The following SLC47A1 variants were observed in gnomAD, a reference collection of about 807,000 sequenced individuals.
SLC47A1 encodes the protein solute carrier family 47 member 1.
Under a neutral mutation model 65.8 loss-of-function variants are expected in SLC47A1, and 58 were observed. The ratio of observed to expected loss-of-function variants is 0.88; its 90% CI spans 0.71 to 1.10. The LOEUF is 1.10. SLC47A1 is among the 50% of genes least tolerant of loss of function. The probability of loss-of-function intolerance (pLI) is 0.00; values close to 1 mark genes in which losing one functional copy is unlikely to be tolerated. For missense variants in SLC47A1, 706 were observed against 719.2 expected, an observed-to-expected ratio of 0.98 and a Z score of 0.21; for synonymous variants, 285 against 295.0, an observed-to-expected ratio of 0.97 and a Z score of 0.35.
At chr17:19,549,144 T>C (rs1039688915) in intron 4 of SLC47A1, among the ~76,000 whole-genome samples, 5 of 151,982 alleles carry the variant, frequency 3.3e-5, no homozygotes, top group African/African-American at 9.7e-5. Context: ...TCAAGAAAGG[T>C]TATCAGGGTT....
At chr17:19,557,983 G>A (rs1198080502) in intron 10 of SLC47A1, 2 of 214,900 alleles carry the variant, frequency 9.3e-6, no homozygotes, top group Non-Finnish European at 1.9e-5. Context: ...CTTTCCAATA[G>A]GCTTGTAAGA....
intron 16 of SLC47A1, among the ~76,000 whole-genome samples, chr17:19,574,459 G>C (rs1035611182): frequency 6.6e-6 from 1 of 152,136 alleles, no homozygotes; most frequent in South Asian, 2.1e-4. Flanking sequence ...GGTTTCCTTC[G>C]TCCCTGGATC....
chr17:19,571,071 CT>C (rs5819676), intron 14 of SLC47A1: 2,967 of 142,594 alleles, frequency 0.021, 71 homozygotes, highest in East Asian at 0.069. Context: ...GTGATTTCTG[CT>C]TTTTTTTTTT....
intron 4 of SLC47A1, 99 bp from the exon 5 acceptor site, chr17:19,549,536 A>G (rs1296376509): frequency 2.3e-5 from 30 of 1,279,494 alleles, no homozygotes; most frequent in Non-Finnish European, 3.4e-5. Context: ...ACAGCCAAGA[A>G]TGGAAAAGGC....
intron 1 of SLC47A1, among the ~76,000 whole-genome samples, chr17:19,540,310 G>A (rs1163753368): frequency 6.6e-6 from 1 of 152,200 alleles, no homozygotes; most frequent in Non-Finnish European, 1.5e-5. Flanking sequence ...GGGAGGCAGG[G>A]AACTGTGGAG....
At position 19,533,886 on chromosome 17, in the gene SLC47A1, T is replaced by G. The variant is rs1021373156; in HGVS notation, c.-54T>G. ...GCCTGCGCGGTACTCACTGCCGGCC[T>G]CCGCGGTACCCACTGCCGGCCTCCG... On this transcript the variant is annotated 5_prime_UTR_variant, in exon 1 of 17. Coordinates refer to ENST00000270570, the MANE Select transcript of SLC47A1 (RefSeq NM_018242.3). 22 of 1,392,298 alleles carry G rather than the reference T, an allele frequency of 1.6e-5. No individual in the cohort carries two copies. In the African/African-American group the frequency reaches 2.9e-4, roughly 19 times the overall value. 86.2% of individuals were successfully genotyped at this position (1,392,298 alleles called of 1,614,324 possible). A position where few individuals can be genotyped will look rare whatever the true frequency, so the allele number is the denominator to read the frequency against.
Position 19,533,966 on chromosome 17 carries a change from AGTGCGCGGAGGCC to A in SLC47A1, c.28_40del (p.Val10ArgfsTer37). 4.6e-6 allele frequency: 7 copies of A among 1,535,834 alleles called. No individual in the cohort carries two copies. The highest frequency in any genetic ancestry group is 6.1e-6 in the Non-Finnish European group (7 of 1,144,336). On this transcript the variant is annotated frameshift_variant, in exon 1 of 17. Coordinates refer to ENST00000270570, the MANE Select transcript of SLC47A1 (RefSeq NM_018242.3). LOFTEE classifies it high-confidence loss of function. The stretch of plus-strand genomic sequence containing the variant: ...TGGAAGCTCCTGAGGAGCCCGCGCC[AGTGCGCGGAGGCC>A]CGGAGGCCACCCTTGAGGTCCGTGG...
At chr17:19,576,406 C>T (rs1274954340) in intron 16 of SLC47A1, among the ~76,000 whole-genome samples, 1 of 145,036 alleles carries the variant, frequency 6.9e-6, no homozygotes, top group East Asian at 2.0e-4. Flanking sequence ...GGCTGGACTG[C>T]AGTAGCACAA....
At chr17:19,566,700 C>G in intron 12 of SLC47A1, 90 bp from the exon 13 acceptor site, 1 of 1,213,240 alleles carries the variant, frequency 8.2e-7, no homozygotes, top group Non-Finnish European at 1.2e-6. Flanking sequence ...GCTGAGATTA[C>G]AGGCATGAGC....
chr17:19,573,886 A>G (rs1197430560), intron 16 of SLC47A1, among the ~76,000 whole-genome samples: 2 of 149,330 alleles, frequency 1.3e-5, no homozygotes, highest in African/African-American at 4.9e-5. Flanking sequence ...TGCTGCAGCC[A>G]GTGTGAGGCT....
At chr17:19,575,467 T>C (rs1044591113) in intron 16 of SLC47A1, among the ~76,000 whole-genome samples, 3 of 151,726 alleles carry the variant, frequency 2.0e-5, no homozygotes, top group Non-Finnish European at 4.4e-5. Context: ...GGTGCAATTA[T>C]AGCTCACTGC....
chr17:19,555,506 G>A, intron 7 of SLC47A1, 87 bp from the exon 8 acceptor site: 1 of 1,427,500 alleles, frequency 7.0e-7, no homozygotes, highest in Non-Finnish European at 9.8e-7. Flanking sequence ...GGACAGCACG[G>A]GAAGGGATGA....
chr17:19,578,107 C>G lies in SLC47A1; in HGVS notation c.*554C>G, dbSNP rs2084454926. ...CAAGCAATCCTCCTGTGTCAGCCAC[C>G]AGAGTAGCTGAGACTACAGGGGTAT... On this transcript the variant is annotated 3_prime_UTR_variant, in exon 17 of 17. Coordinates refer to ENST00000270570, the MANE Select transcript of SLC47A1 (RefSeq NM_018242.3). 1.7e-6 allele frequency: 1 copy of G among 588,982 alleles called. No individual in the cohort carries two copies. The highest frequency in any genetic ancestry group is 2.9e-6 in the Non-Finnish European group (1 of 349,574). The allele number at this position is 588,982 out of a possible 1,614,324, so 36.5% of individuals were successfully genotyped here.
intron 16 of SLC47A1, among the ~76,000 whole-genome samples, chr17:19,574,745 C>T (rs1359086324): frequency 6.6e-6 from 1 of 152,020 alleles, no homozygotes; most frequent in Non-Finnish European, 1.5e-5. Context: ...CCTGCCTCAG[C>T]CTCCTGAGTA....
rs958844697 is a variant in SLC47A1 at position 19,578,476 on chromosome 17, A to C, written c.*923A>C. ...CTCCCAAAGTGTTGGGATTATAGGC[A>C]TGAGCCACCACGACTGGCCAGAGGA... is the stretch of plus-strand genomic sequence containing the variant. On this transcript the variant is annotated 3_prime_UTR_variant, in exon 17 of 17. Transcript: ENST00000270570. The C allele has an allele frequency of 5.6e-6, 1 of 177,458 alleles. No homozygotes were observed. The highest frequency in any genetic ancestry group is 1.2e-5 in the Non-Finnish European group (1 of 83,900). The allele number at this position is 177,458 out of a possible 1,614,324, so 11.0% of individuals were successfully genotyped here. A position where few individuals can be genotyped will look rare whatever the true frequency, so the allele number is the denominator to read the frequency against.
intron 2 of SLC47A1, among the ~76,000 whole-genome samples, chr17:19,545,645 C>T (rs1567966863): frequency 6.6e-6 from 1 of 152,104 alleles, no homozygotes; most frequent in Non-Finnish European, 1.5e-5. Context: ...GAGCATGCCA[C>T]CATGCCTGCT....
chr17:19,578,006 G>A lies in SLC47A1; in HGVS notation c.*453G>A, dbSNP rs750139585. On this transcript the variant is annotated 3_prime_UTR_variant, in exon 17 of 17. Coordinates refer to ENST00000270570, the MANE Select transcript of SLC47A1 (RefSeq NM_018242.3). ...GTTTTAATTTTTTTTTTAATAGACG[G>A]AAGTCTTGCTCTGTCATGCAGGCTG... 8.7e-6 allele frequency: 11 copies of A among 1,262,796 alleles called. No homozygotes were observed. In the South Asian group the frequency reaches 1.2e-4, roughly 14 times the overall value. 78.2% of individuals were successfully genotyped at this position (1,262,796 alleles called of 1,614,324 possible).
chr17:19,548,346 A>C (rs1276759225), intron 4 of SLC47A1, among the ~76,000 whole-genome samples: 3 of 152,100 alleles, frequency 2.0e-5, no homozygotes, highest in African/African-American at 7.2e-5. Context: ...TAAGAGTTTT[A>C]AATGAAAATA....
chr17:19,561,790 G>A (rs2084313544), intron 12 of SLC47A1, among the ~76,000 whole-genome samples: 1 of 152,118 alleles, frequency 6.6e-6, no homozygotes, highest in African/African-American at 2.4e-5. Flanking sequence ...GTATTTTAAA[G>A]GTGGAAACCC....
Sources: gnomAD v4.1 joint callset for allele counts (sites outside exome capture counted in the v4.1 genomes callset) on GRCh38, gnomAD v4.1.1 for gene constraint, MANE v1.5 for transcripts, NCBI Gene and HGNC (gene_info 2026-07-23, HGNC 2026-07-21) for gene names.